The following NKAIN2 variants were observed in gnomAD, a reference collection of about 807,000 sequenced individuals.
NKAIN2 encodes sodium/potassium transporting ATPase interacting 2, also known as sodium/potassium-transporting ATPase subunit beta-1-interacting protein 2.
In NKAIN2, 14 loss-of-function variants were observed where a neutral mutation model predicts 32.6. The observed-to-expected ratio is 0.43, with a 90% CI of 0.28 to 0.67. NKAIN2 has a LOEUF of 0.67. NKAIN2 is among the 30% of genes least tolerant of loss of function. The probability of loss-of-function intolerance (pLI) is 0.17; values close to 1 mark genes in which losing one functional copy is unlikely to be tolerated. For missense variants in NKAIN2, 198 were observed against 258.3 expected (o/e 0.77, Z 1.60); for synonymous variants, 80 against 87.2 (o/e 0.92, Z 0.46).
At chr6:124,515,546 T>C (rs1439274585) in intron 3 of NKAIN2, among the ~76,000 whole-genome samples, 1 of 151,264 alleles carries the variant, frequency 6.6e-6, no homozygotes, top group Non-Finnish European at 1.5e-5. Flanking sequence ...ACTCACCAGC[T>C]CCCCCCAGGA....
At chr6:123,842,213 C>G (rs1165058248) in intron 1 of NKAIN2, among the ~76,000 whole-genome samples, 2 of 152,088 alleles carry the variant, frequency 1.3e-5, no homozygotes, top group Admixed American at 1.3e-4. Context: ...GCTGCCAAAA[C>G]AAAATACCAC....
intron 1 of NKAIN2, among the ~76,000 whole-genome samples, chr6:123,875,622 T>G (rs1448907051): frequency 6.6e-6 from 1 of 151,992 alleles, no homozygotes; most frequent in African/African-American, 2.4e-5. Flanking sequence ...ACGTTATTGA[T>G]ATAGAGAGGT....
intron 1 of NKAIN2, among the ~76,000 whole-genome samples, chr6:124,129,938 C>CT (rs1421386387): frequency 2.6e-5 from 4 of 152,076 alleles, no homozygotes; most frequent in African/African-American, 2.4e-5. Flanking sequence ...ATTTTTTAAA[C>CT]TTTTTTATAA....
At chr6:124,533,571 A>G (rs1391615109) in intron 3 of NKAIN2, among the ~76,000 whole-genome samples, 1 of 151,522 alleles carries the variant, frequency 6.6e-6, no homozygotes, top group East Asian at 1.9e-4. Context: ...CTCTGTCTAT[A>G]TGACACATAA....
intron 3 of NKAIN2, among the ~76,000 whole-genome samples, chr6:124,467,225 C>T (rs1046279007): frequency 2.6e-5 from 4 of 152,078 alleles, no homozygotes; most frequent in African/African-American, 9.7e-5. Flanking sequence ...TCACAATAAG[C>T]AACCTATGTA....
chr6:124,705,317 A>C (rs1381263615), intron 4 of NKAIN2, among the ~76,000 whole-genome samples: 1 of 152,138 alleles, frequency 6.6e-6, no homozygotes, highest in African/African-American at 2.4e-5. Flanking sequence ...ATGACTTTTT[A>C]GTATGTTCAG....
chr6:124,150,675 T>G (rs6932946), intron 1 of NKAIN2, among the ~76,000 whole-genome samples: 125,178 of 152,072 alleles, frequency 0.82, 52,159 homozygotes, highest in South Asian at 0.9. Context: ...TTTTATATTT[T>G]TGAAAGCATA....
At chr6:123,874,757 T>A (rs1011870017) in intron 1 of NKAIN2, among the ~76,000 whole-genome samples, 1 of 152,148 alleles carries the variant, frequency 6.6e-6, no homozygotes. Context: ...TAAAAATATG[T>A]CTATTGTAGA....
At position 124,028,819 on chromosome 6, in the gene NKAIN2, GTGTATA is replaced by G. The variant is rs1316969507; in HGVS notation, c.54+224567_54+224572del. On this transcript the variant is annotated intron_variant, in intron 1 of 6. Coordinates refer to ENST00000368417, the MANE Select transcript of NKAIN2 (RefSeq NM_001040214.3). ...TGTATATACGTATATATACGTATAT[GTGTATA>G]TATATACATATATATGTATATATGT... Among the ~76,000 whole-genome samples, 687 of 138,120 alleles carry G rather than the reference GTGTATA, an allele frequency of 5.0e-3. 4 individuals carry two copies. Among genetic ancestry groups the G allele is most frequent in the African/African-American group, 0.019 (638 of 33,280 alleles). 90.6% of individuals were successfully genotyped at this position (138,120 alleles called of 152,430 possible). A position where few individuals can be genotyped will look rare whatever the true frequency, so the allele number is the denominator to read the frequency against.
intron 4 of NKAIN2, among the ~76,000 whole-genome samples, chr6:124,732,067 A>G (rs1329065355): frequency 6.6e-6 from 1 of 152,090 alleles, no homozygotes; most frequent in Non-Finnish European, 1.5e-5. Context: ...GCAGTATCAT[A>G]TGACCTTACC....
At chr6:124,509,033 C>A (rs145854750) in intron 3 of NKAIN2, among the ~76,000 whole-genome samples, 1 of 152,120 alleles carries the variant, frequency 6.6e-6, no homozygotes. Flanking sequence ...TGATGCCCTG[C>A]GGCTTAGGAC....
rs552961609 is a variant in NKAIN2, at chr6:124,424,731, G to A, written c.273+69384G>A. Among the ~76,000 whole-genome samples the A allele has an allele frequency of 1.9e-3, 291 of 152,082 alleles. 1 individual carries two copies. Among genetic ancestry groups the A allele is most frequent in the African/African-American group, 4.5e-3 (185 of 41,482 alleles). On this transcript the variant is annotated intron_variant, in intron 3 of 6. Coordinates refer to ENST00000368417, the MANE Select transcript of NKAIN2 (RefSeq NM_001040214.3). ...AATGACCCCCCCACCAGGTTTATCC[G>A]TATTGTCATAAATGGTAGGATTTCC...
intron 3 of NKAIN2, among the ~76,000 whole-genome samples, chr6:124,588,739 G>A (rs1027394346): frequency 3.3e-5 from 5 of 152,170 alleles, no homozygotes. Flanking sequence ...ATGCATCACA[G>A]ACTTTCTGGT....
intron 3 of NKAIN2, among the ~76,000 whole-genome samples, chr6:124,422,517 TC>T (rs1379061298): frequency 6.6e-6 from 1 of 152,074 alleles, no homozygotes. Context: ...AGTATTTTTA[TC>T]TTTTTTTTTC....
At chr6:124,091,410 AAG>A (rs1403349659) in intron 1 of NKAIN2, among the ~76,000 whole-genome samples, 2 of 151,994 alleles carry the variant, frequency 1.3e-5, no homozygotes, top group Non-Finnish European at 2.9e-5. Flanking sequence ...GTTTCAGTAA[AAG>A]AGATGAGATT....
chr6:123,839,429 G>A (rs921721067), intron 1 of NKAIN2, among the ~76,000 whole-genome samples: 1 of 152,040 alleles, frequency 6.6e-6, no homozygotes, highest in African/African-American at 2.4e-5. Context: ...AGATGCTTAA[G>A]TGTGTCTATA....
chr6:124,144,213 T>C (rs1787277703), intron 1 of NKAIN2, among the ~76,000 whole-genome samples: 1 of 152,172 alleles, frequency 6.6e-6, no homozygotes, highest in Non-Finnish European at 1.5e-5. Flanking sequence ...GGCCCAAATA[T>C]TCTAGAAATT....
rs137896886 is a variant in NKAIN2 at position 124,545,186 on chromosome 6, C to T, written c.274-113000C>T. On this transcript the variant is annotated intron_variant, in intron 3 of 6. Transcript: ENST00000368417. ...CATTTTGTGCAGAATTGCTTCAATG[C>T]CTGCCCTGAAAATAGCTTAATTTTA... is the stretch of plus-strand genomic sequence containing the variant. 2.0e-5 allele frequency among the ~76,000 whole-genome samples: 3 copies of T among 152,188 alleles called. No homozygotes were observed. The East Asian group carries it at 5.8e-4, about 29-fold the overall frequency.
intron 1 of NKAIN2, among the ~76,000 whole-genome samples, chr6:124,196,265 G>A (rs1413500349): frequency 6.6e-6 from 1 of 152,046 alleles, no homozygotes; most frequent in Admixed American, 6.6e-5. Context: ...TTTTGTGTGT[G>A]TTCACAAAAT....
Sources: gnomAD v4.1 joint callset for allele counts (sites outside exome capture counted in the v4.1 genomes callset) on GRCh38, gnomAD v4.1.1 for gene constraint, MANE v1.5 for transcripts, NCBI Gene and HGNC (gene_info 2026-07-23, HGNC 2026-07-21) for gene names.